Variants in ABHD6 observed in about 807,000 individuals in gnomAD.
The protein encoded by ABHD6 is monoacylglycerol lipase ABHD6.
In ABHD6, 33 loss-of-function variants were observed where a neutral mutation model predicts 38.8. The observed-to-expected ratio is 0.85, with a 90% CI of 0.64 to 1.14. ABHD6 has a LOEUF of 1.14. ABHD6 is among the 50% of genes most tolerant of loss of function. The pLI is 0.00. For synonymous variants in ABHD6, 147 were observed against 161.6 expected (o/e 0.91, Z 0.69); for missense variants, 380 against 422.6 (o/e 0.90, Z 0.88).
At chr3:58,281,813 C>A (rs1223147243) in intron 7 of ABHD6, among the ~76,000 whole-genome samples, 1 of 152,088 alleles carries the variant, frequency 6.6e-6, no homozygotes, top group Non-Finnish European at 1.5e-5. Context: ...TAATGTTTAC[C>A]ATATTAGAAA....
intron 7 of ABHD6, among the ~76,000 whole-genome samples, 156 bp downstream of exon 7, chr3:58,274,971 G>A (rs758666108): frequency 3.3e-5 from 5 of 152,228 alleles, no homozygotes; most frequent in African/African-American, 4.8e-5. Context: ...CCTGCAACAC[G>A]CTGGGCACTG....
At chr3:58,289,114 G>A (rs967460667) in intron 9 of ABHD6, among the ~76,000 whole-genome samples, 2 of 152,260 alleles carry the variant, frequency 1.3e-5, no homozygotes, top group East Asian at 1.9e-4. Flanking sequence ...GAATGCAGTG[G>A]CTCAATCATA....
chr3:58,246,873 A>G (rs1232796400), intron 1 of ABHD6, among the ~76,000 whole-genome samples: 2 of 152,196 alleles, frequency 1.3e-5, no homozygotes, highest in African/African-American at 4.8e-5. Context: ...TTGGACAGTC[A>G]TGTGGGCAGT....
chr3:58,275,806 C>G (rs1181359441), intron 7 of ABHD6, among the ~76,000 whole-genome samples: 1 of 152,154 alleles, frequency 6.6e-6, no homozygotes, highest in Non-Finnish European at 1.5e-5. Flanking sequence ...CCCCTACCCC[C>G]TGCCTGGTGT....
chr3:58,264,458 A>G (rs1416845749), intron 3 of ABHD6, among the ~76,000 whole-genome samples: 2 of 149,634 alleles, frequency 1.3e-5, no homozygotes, highest in Non-Finnish European at 3.0e-5. Flanking sequence ...TGCCAGGTGC[A>G]GTGGCTCAGT....
chr3:58,245,951 C>T (rs1559769837), intron 1 of ABHD6, among the ~76,000 whole-genome samples: 1 of 152,136 alleles, frequency 6.6e-6, no homozygotes, highest in Admixed American at 6.5e-5. Flanking sequence ...CTATTTTTTC[C>T]ATCTGCTATA....
rs1280519430 is a variant in ABHD6 at position 58,263,637 on chromosome 3, C to G, written c.120-3552C>G. Among the ~76,000 whole-genome samples the G allele has an allele frequency of 1.3e-5, 2 of 152,214 alleles. No individual in the cohort carries two copies. Among genetic ancestry groups the G allele is most frequent in the Non-Finnish European group, 2.9e-5 (2 of 68,030 alleles). Reference sequence around the variant, plus strand: ...AGGCCCTTGCCTCTGCTGTCTCTACCTCCTGGCACACCTTCTCCAGCTTCC... The same window carrying G: ...AGGCCCTTGCCTCTGCTGTCTCTACGTCCTGGCACACCTTCTCCAGCTTCC... On this transcript the variant is annotated intron_variant, in intron 3 of 9. Coordinates refer to ENST00000478253, the MANE Select transcript of ABHD6 (RefSeq NM_001320126.2). This position sits in a 1 kb window ranked among gnomAD's most constrained non-coding sequence, Gnocchi z 4.9.
rs1225287420 is a variant in ABHD6, at chr3:58,273,477, A to C, written c.524-1181A>C. On this transcript the variant is annotated intron_variant, in intron 6 of 9. Coordinates refer to ENST00000478253, the MANE Select transcript of ABHD6 (RefSeq NM_001320126.2). The surrounding 1 kb of genome is among the most constrained non-coding windows in gnomAD (Gnocchi z 4.8). The stretch of plus-strand genomic sequence containing the variant: ...ATAGCAAAGACTTGGAACTAACCCA[A>C]ATGCCCACCAATGATAAACTGGATA... Among the ~76,000 whole-genome samples the C allele has an allele frequency of 6.6e-6, 1 of 152,200 alleles. No homozygotes were observed. Among genetic ancestry groups the C allele is most frequent in the Non-Finnish European group, 1.5e-5 (1 of 68,044 alleles).
In ABHD6 at chr3:58,256,111, A is replaced by C. The variant is rs534274193; in HGVS notation, c.-25-451A>C. On this transcript the variant is annotated intron_variant, in intron 2 of 9. Coordinates refer to ENST00000478253, the MANE Select transcript of ABHD6 (RefSeq NM_001320126.2). The surrounding 1 kb of genome is among the most constrained non-coding windows in gnomAD (Gnocchi z 4.3). ...CACACACACACACACACACACACAT[A>C]CACACACTACTTTTTCTCTCCTGAA... Among the ~76,000 whole-genome samples, 53 of 18,634 alleles carry C rather than the reference A, an allele frequency of 2.8e-3. 1 individual carries two copies. The South Asian group carries it at 0.089, about 31-fold the overall frequency. 12.2% of individuals were successfully genotyped at this position (18,634 alleles called of 152,430 possible). A position where few individuals can be genotyped will look rare whatever the true frequency, so the allele number is the denominator to read the frequency against.
In ABHD6 at chr3:58,271,051, CG is replaced by C; in HGVS notation, c.511del (p.Val171CysfsTer32). 6.2e-7 allele frequency: 1 copy of C among 1,603,166 alleles called. No homozygotes were observed. The highest frequency in any genetic ancestry group is 8.5e-7 in the Non-Finnish European group (1 of 1,176,526). ...YPSDVSSLCLVCPAGLQYSTD... is the reference protein window; with the variant it reads ...YPSDVSSLCLXCPAGLQYSTD... The stretch of plus-strand genomic sequence containing the variant: ...CATCGGATGTCTCCAGCCTGTGTCT[CG>C]TGTGTCCTGCTGGTAAGTTATGAAG... On this transcript the variant is annotated frameshift_variant, in exon 6 of 10. Coordinates refer to ENST00000478253, the MANE Select transcript of ABHD6 (RefSeq NM_001320126.2). LOFTEE classifies it high-confidence loss of function.
rs1338638717 is a variant in ABHD6 at position 58,238,391 on chromosome 3, C to A, written c.-91+475C>A. On this transcript the variant is annotated intron_variant, in intron 1 of 9. Coordinates refer to ENST00000478253, the MANE Select transcript of ABHD6 (RefSeq NM_001320126.2). This position sits in a 1 kb window ranked among gnomAD's most constrained non-coding sequence, Gnocchi z 6.9. The stretch of plus-strand genomic sequence containing the variant: ...CCGCGCCGTCCCCAAGATCTCGCTC[C>A]GCTACTCCCCTCCCCCAGCAGCCTT... The A allele has an allele frequency of 6.5e-6, 1 of 152,708 alleles. No homozygotes were observed. The highest frequency in any genetic ancestry group is 1.5e-5 in the Non-Finnish European group (1 of 68,382). 9.5% of individuals were successfully genotyped at this position (152,708 alleles called of 1,614,324 possible). A position where few individuals can be genotyped will look rare whatever the true frequency, so the allele number is the denominator to read the frequency against.
chr3:58,285,027 A>T lies in ABHD6; in HGVS notation c.682-58A>T. ...TCCCATTCATTGTCCCAGAGCTGTG[A>T]GAGGCCTGAGGAAATGAATCTTCTC... On this transcript the variant is annotated intron_variant, in intron 7 of 9. Coordinates refer to ENST00000478253, the MANE Select transcript of ABHD6 (RefSeq NM_001320126.2). The surrounding 1 kb of genome is among the most constrained non-coding windows in gnomAD (Gnocchi z 4.9). The T allele has an allele frequency of 6.6e-7, 1 of 1,515,978 alleles. No individual in the cohort carries two copies. Among genetic ancestry groups the T allele is most frequent in the Non-Finnish European group, 9.2e-7 (1 of 1,090,644 alleles). The allele number at this position is 1,515,978 out of a possible 1,614,324, so 93.9% of individuals were successfully genotyped here. A position where few individuals can be genotyped will look rare whatever the true frequency, so the allele number is the denominator to read the frequency against.
chr3:58,248,577 A>G (rs1299703257), intron 1 of ABHD6, among the ~76,000 whole-genome samples: 1 of 152,212 alleles, frequency 6.6e-6, no homozygotes, highest in Admixed American at 6.5e-5. Context: ...ACATGCCTGT[A>G]ATCCTAGCTA....
At chr3:58,243,017 C>T (rs2097423909) in intron 1 of ABHD6, among the ~76,000 whole-genome samples, 1 of 152,118 alleles carries the variant, frequency 6.6e-6, no homozygotes, top group African/African-American at 2.4e-5. Context: ...TGATGGTTTC[C>T]AGCTTCATCC....
rs916281951 is a variant in ABHD6 at position 58,259,630 on chromosome 3, G to A, written c.119+2925G>A. 1.1e-4 allele frequency among the ~76,000 whole-genome samples: 16 copies of A among 152,174 alleles called. No individual in the cohort carries two copies. The highest frequency in any genetic ancestry group is 2.7e-4 in the African/African-American group (11 of 41,424). On this transcript the variant is annotated intron_variant, in intron 3 of 9. Coordinates refer to ENST00000478253, the MANE Select transcript of ABHD6 (RefSeq NM_001320126.2). The surrounding 1 kb of genome is among the most constrained non-coding windows in gnomAD (Gnocchi z 4.7). ...CAGGAAGCGGAGGTTGCAGTGAGCC[G>A]AGATCGTGCCACTACACTTCAGCCT...
rs1420135687 is a variant in ABHD6 at position 58,269,697 on chromosome 3, G to C, written c.390+263G>C. 6.6e-6 allele frequency among the ~76,000 whole-genome samples: 1 copy of C among 152,192 alleles called. No homozygotes were observed. Among genetic ancestry groups the C allele is most frequent in the Admixed American group, 6.5e-5 (1 of 15,286 alleles). On this transcript the variant is annotated intron_variant, in intron 5 of 9. Transcript: ENST00000478253. The surrounding 1 kb of genome is among the most constrained non-coding windows in gnomAD (Gnocchi z 4.4). Reference sequence around the variant, plus strand: ...AGCATTTTCTCAACTCTTTGAAAAGGGGTTTAGAATTTCTTAAAACCAATT... The same window carrying C: ...AGCATTTTCTCAACTCTTTGAAAAGCGGTTTAGAATTTCTTAAAACCAATT...
chr3:58,261,791 C>T (rs879365714), intron 3 of ABHD6, among the ~76,000 whole-genome samples: 2 of 152,128 alleles, frequency 1.3e-5, no homozygotes, highest in Admixed American at 1.3e-4. Flanking sequence ...ACAAATTTGT[C>T]GGCTCCCCAG....
intron 4 of ABHD6, among the ~76,000 whole-genome samples, chr3:58,268,797 T>C (rs2107453059): frequency 6.6e-6 from 1 of 152,302 alleles, no homozygotes; most frequent in Admixed American, 6.5e-5. Context: ...TGGAAGAAGG[T>C]GTTTTAGGAT....
chr3:58,291,134 C>T lies in ABHD6; in HGVS notation c.838-2455C>T, dbSNP rs531540321. Among the ~76,000 whole-genome samples, 4 of 151,428 alleles carry T rather than the reference C, an allele frequency of 2.6e-5. No individual in the cohort carries two copies. In the South Asian group the frequency reaches 8.5e-4, roughly 32 times the overall value. On this transcript the variant is annotated intron_variant, in intron 9 of 9. Coordinates refer to ENST00000478253, the MANE Select transcript of ABHD6 (RefSeq NM_001320126.2). ...GACACCGTCTGCAATCCCGGCACCTCCGGAGGCCGAGGCTGGCGGATCACT... is the reference window on the plus strand; with the variant it reads ...GACACCGTCTGCAATCCCGGCACCTTCGGAGGCCGAGGCTGGCGGATCACT...
Sources: gnomAD v4.1 joint callset for allele counts (sites outside exome capture counted in the v4.1 genomes callset) on GRCh38, gnomAD v4.1.1 for gene constraint, Gnocchi (gnomAD v3.1) non-coding constraint, MANE v1.5 for transcripts, NCBI Gene and HGNC (gene_info 2026-07-23, HGNC 2026-07-21) for gene names.